Variants in NFIB observed in about 807,000 individuals in gnomAD.
The protein encoded by NFIB is nuclear factor I B.
In NFIB, 11 loss-of-function variants were observed where a neutral mutation model predicts 61.5. That is an observed-to-expected ratio of 0.18 (90% confidence interval 0.11 to 0.30). NFIB has a LOEUF of 0.30. Ranked by LOEUF, NFIB falls within the 10% of genes least tolerant of loss-of-function variation. NFIB has a pLI of 1.00. For missense variants in NFIB, 471 were observed against 608.9 expected, an observed-to-expected ratio of 0.77 and a Z score of 2.38; for synonymous variants, 260 against 216.5, an observed-to-expected ratio of 1.20 and a Z score of -1.76.
At chr9:14,243,349 G>C (rs1485398067) in intron 2 of NFIB, among the ~76,000 whole-genome samples, 1 of 152,166 alleles carries the variant, frequency 6.6e-6, no homozygotes, top group Non-Finnish European at 1.5e-5. Flanking sequence ...TGCATCATAA[G>C]GCATTTGAAG....
chr9:14,275,120 C>T (rs1159146125), intron 2 of NFIB, among the ~76,000 whole-genome samples: 2 of 152,286 alleles, frequency 1.3e-5, no homozygotes, highest in Admixed American at 6.5e-5. Flanking sequence ...GTGTATTCAA[C>T]GGGCTTCAGT....
At chr9:14,277,612 T>C (rs1237774661) in intron 2 of NFIB, among the ~76,000 whole-genome samples, 1 of 152,260 alleles carries the variant, frequency 6.6e-6, no homozygotes, top group African/African-American at 2.4e-5. Context: ...TCTATCTTTA[T>C]ATCCCTTTGT....
upstream of NFIB, among the ~76,000 whole-genome samples, chr9:14,315,211 GGGGTGC>G: frequency 6.6e-6 from 1 of 151,720 alleles, no homozygotes; most frequent in South Asian, 2.1e-4. Context: ...GGATAGGGAG[GGGGTGC>G]GGGTTCGTCC....
chr9:14,181,647 T>C (rs960643815), intron 2 of NFIB, among the ~76,000 whole-genome samples: 1 of 152,232 alleles, frequency 6.6e-6, no homozygotes, highest in Admixed American at 6.5e-5. Context: ...TGAGTTCCTC[T>C]GACAAATGTC....
At position 14,269,172 on chromosome 9, in the gene NFIB, T is replaced by C. The variant is rs4741357; in HGVS notation, c.562+37817A>G. Among the ~76,000 whole-genome samples, 995 of 152,352 alleles carry C rather than the reference T, an allele frequency of 6.5e-3. 26 individuals carry two copies. The highest frequency in any genetic ancestry group is 0.045 in the Admixed American group (693 of 15,300). ...TTTGTCCACAGACTGAACTTTTACT[T>C]TTTAATGTGATATCACATATAATAC... On this transcript the variant is annotated intron_variant, in intron 2 of 10. Coordinates refer to ENST00000380953, the MANE Select transcript of NFIB (RefSeq NM_001190737.2).
intron 2 of NFIB, among the ~76,000 whole-genome samples, chr9:14,280,112 T>A (rs550078289): frequency 5.3e-4 from 80 of 152,276 alleles, no homozygotes; most frequent in African/African-American, 1.9e-3. Flanking sequence ...TATATCTAGT[T>A]TAGTACAAAG....
chr9:14,379,494 G>A (rs752396169), intron 1 of NFIB, among the ~76,000 whole-genome samples: 1 of 151,998 alleles, frequency 6.6e-6, no homozygotes, highest in Non-Finnish European at 1.5e-5. Flanking sequence ...CCACTTACTC[G>A]CTATTTTAAC....
At chr9:14,180,617 C>G (rs73411993) in intron 2 of NFIB, 1 of 152,238 alleles carries the variant, frequency 6.6e-6, no homozygotes, top group African/African-American at 2.4e-5. Context: ...TGTACCCTCT[C>G]CATTTATCTG....
At chr9:14,478,088 A>G in the NFIB span, among the ~76,000 whole-genome samples, 1,662 of 152,248 alleles carry the variant, frequency 0.011, 9 homozygotes, top group South Asian at 0.018. Context: ...TCTGTTCTGC[A>G]TTGTTGACTT....
chr9:14,180,285 A>G (rs1486043564), intron 2 of NFIB, among the ~76,000 whole-genome samples: 1 of 152,186 alleles, frequency 6.6e-6, no homozygotes, highest in Non-Finnish European at 1.5e-5. Flanking sequence ...CTCCCAACCT[A>G]CTGGATCCAG....
the NFIB span, among the ~76,000 whole-genome samples, chr9:14,530,413 GGAGAGA>G: frequency 1.6e-4 from 24 of 149,628 alleles, no homozygotes; most frequent in Middle Eastern, 3.5e-3. Flanking sequence ...AAAGAGAGAG[GGAGAGA>G]GAGAGAGAGA....
At chr9:14,386,796 A>G (rs559315209) in intron 1 of NFIB, among the ~76,000 whole-genome samples, 1 of 152,346 alleles carries the variant, frequency 6.6e-6, no homozygotes, top group South Asian at 2.1e-4. Context: ...ATATTTTTAA[A>G]TGTAGAAATT....
At chr9:14,402,587 A>G (rs1438715549), upstream of NFIB, among the ~76,000 whole-genome samples, 1 of 152,208 alleles carries the variant, frequency 6.6e-6, no homozygotes, top group African/African-American at 2.4e-5. Flanking sequence ...AAAAGAAAAC[A>G]TCAGCCTTAA....
At chr9:14,411,848 AAC>A in the NFIB span, among the ~76,000 whole-genome samples, 1 of 152,198 alleles carries the variant, frequency 6.6e-6, no homozygotes, top group African/African-American at 2.4e-5. Flanking sequence ...AGGTATAAAA[AAC>A]ACTGTGGTTT....
At chr9:14,518,595 T>A in the NFIB span, among the ~76,000 whole-genome samples, 6 of 151,232 alleles carry the variant, frequency 4.0e-5, no homozygotes, top group African/African-American at 1.5e-4. Context: ...CCACCTTCCA[T>A]CCCTACTCCT....
chr9:14,228,573 C>T (rs887475351), intron 2 of NFIB, among the ~76,000 whole-genome samples: 26 of 152,186 alleles, frequency 1.7e-4, no homozygotes, highest in Non-Finnish European at 2.2e-4. Context: ...GTGGTCAAAA[C>T]AGTAAACATT....
chr9:14,463,355 A>T, the NFIB span, among the ~76,000 whole-genome samples: 1 of 151,908 alleles, frequency 6.6e-6, no homozygotes, highest in Non-Finnish European at 1.5e-5. Context: ...AGATGGAGAG[A>T]TTCAATATGT....
Position 14,168,821 on chromosome 9 carries a change from C to A in NFIB, c.616+10906G>T, listed in dbSNP as rs146060396. Among the ~76,000 whole-genome samples the A allele has an allele frequency of 2.7e-3, 405 of 152,312 alleles. 2 individuals carry two copies. Among genetic ancestry groups the A allele is most frequent in the African/African-American group, 9.5e-3 (393 of 41,570 alleles). ...TCTTTTTAAAACATTTTGCCCCTCT[C>A]ATCAGCAGCCTGAGCCTTTGTATTC... On this transcript the variant is annotated intron_variant, in intron 3 of 10. Transcript: ENST00000380953.
chr9:14,375,862 A>G (rs2132984404), intron 1 of NFIB, among the ~76,000 whole-genome samples: 1 of 152,298 alleles, frequency 6.6e-6, no homozygotes. Context: ...AGTCCTTGTC[A>G]TACTCACATA....
Sources: gnomAD v4.1 joint callset for allele counts (sites outside exome capture counted in the v4.1 genomes callset) on GRCh38, gnomAD v4.1.1 for gene constraint, MANE v1.5 for transcripts, NCBI Gene and HGNC (gene_info 2026-07-23, HGNC 2026-07-21) for gene names.